CUX1: variants seen among roughly 807,000 people sequenced by gnomAD.
CUX1 encodes cut like homeobox 1.
Under a neutral mutation model 158.8 loss-of-function variants are expected in CUX1, and 31 were observed. The ratio of observed to expected loss-of-function variants is 0.20; its 90% CI spans 0.15 to 0.26. The LOEUF (loss-of-function observed/expected upper bound fraction) is 0.26, where lower values mean the gene tolerates loss of function less well. Ranked by LOEUF, CUX1 falls within the 10% of genes least tolerant of loss-of-function variation. CUX1 has a pLI of 1.00. For synonymous variants in CUX1, 879 were observed against 862.1 expected, an observed-to-expected ratio of 1.02 and a Z score of -0.34; for missense variants, 1,589 against 2,014.6, an observed-to-expected ratio of 0.79 and a Z score of 4.04.
intron 3 of CUX1, among the ~76,000 whole-genome samples, chr7:102,056,875 A>G (rs1383597364): frequency 1.4e-5 from 2 of 142,964 alleles, no homozygotes; most frequent in East Asian, 4.3e-4. Context: ...GGCTGATAAA[A>G]AGATTTTTTG....
At chr7:101,906,776 C>T (rs919242018) in intron 1 of CUX1, among the ~76,000 whole-genome samples, 1 of 152,116 alleles carries the variant, frequency 6.6e-6, no homozygotes, top group African/African-American at 2.4e-5. Context: ...TCATTGCGAG[C>T]CTAGGCCTGT....
intron 9 of CUX1, among the ~76,000 whole-genome samples, chr7:102,168,922 TC>T (rs1402863974): frequency 0.31 from 30,372 of 99,404 alleles, 5,171 homozygotes; most frequent in African/African-American, 0.46. Flanking sequence ...TATTTTCTTT[TC>T]TTTTCTTTTA....
intron 2 of CUX1, among the ~76,000 whole-genome samples, chr7:101,952,151 G>A (rs143330594): frequency 6.6e-6 from 1 of 152,246 alleles, no homozygotes; most frequent in African/African-American, 2.4e-5. Context: ...ACTTTGAGAG[G>A]CCAAGGTGGA....
chr7:101,992,523 C>T (rs1040686458), intron 2 of CUX1, among the ~76,000 whole-genome samples: 4 of 152,164 alleles, frequency 2.6e-5, no homozygotes, highest in East Asian at 1.9e-4. Context: ...CCACACCCTA[C>T]GTGCCCCATG....
chr7:101,836,764 G>C (rs573912560), intron 1 of CUX1, among the ~76,000 whole-genome samples: 1 of 151,714 alleles, frequency 6.6e-6, no homozygotes, highest in African/African-American at 2.4e-5. Context: ...TTTGGCTGGA[G>C]AAACCGGGAG....
At chr7:102,010,742 G>A (rs1218273131) in intron 2 of CUX1, among the ~76,000 whole-genome samples, 1 of 152,228 alleles carries the variant, frequency 6.6e-6, no homozygotes, top group Non-Finnish European at 1.5e-5. Flanking sequence ...CTGCCGGCGG[G>A]CGTGAGGACC....
chr7:102,165,336 C>T (rs897293581), intron 9 of CUX1, among the ~76,000 whole-genome samples: 4 of 142,962 alleles, frequency 2.8e-5, no homozygotes, highest in East Asian at 2.2e-4. Context: ...TCGGGCACTG[C>T]GGTTAGGGGA....
intron 2 of CUX1, among the ~76,000 whole-genome samples, chr7:101,930,337 A>T: frequency 6.6e-6 from 1 of 152,218 alleles, no homozygotes; most frequent in Middle Eastern, 3.2e-3. Flanking sequence ...GGCCTGTGAA[A>T]GCCTTCTTAA....
At chr7:102,247,222 AAAAG>A (rs201915933) in intron 23 of CUX1, among the ~76,000 whole-genome samples, 11,803 of 151,692 alleles carry the variant, frequency 0.078, 672 homozygotes, top group African/African-American at 0.16. Context: ...GAAAAAAAAA[AAAAG>A]AAAGAAAAAA....
At chr7:101,956,838 A>G (rs1809838003) in intron 2 of CUX1, among the ~76,000 whole-genome samples, 1 of 152,186 alleles carries the variant, frequency 6.6e-6, no homozygotes, top group Admixed American at 6.6e-5. Flanking sequence ...AGTCCCAGCT[A>G]TCTGGGAGGC....
intron 1 of CUX1, among the ~76,000 whole-genome samples, chr7:101,851,130 C>G (rs190987275): frequency 1.8e-4 from 28 of 152,168 alleles, no homozygotes; most frequent in Admixed American, 1.8e-3. Context: ...CAAATAAATA[C>G]ATTTTTAAAA....
At chr7:102,155,990 T>C (rs1554505127) in intron 8 of CUX1, among the ~76,000 whole-genome samples, 1 of 152,212 alleles carries the variant, frequency 6.6e-6, no homozygotes, top group Admixed American at 6.5e-5. Context: ...TTTTTCAGAC[T>C]TTTTCTCAGA....
chr7:101,825,747 T>C (rs1480118784), intron 1 of CUX1, among the ~76,000 whole-genome samples: 1 of 136,194 alleles, frequency 7.3e-6, no homozygotes, highest in East Asian at 2.4e-4. Flanking sequence ...GATACCTTAA[T>C]GAAATCTGTG....
intron 8 of CUX1, among the ~76,000 whole-genome samples, chr7:102,133,050 A>T: frequency 6.6e-6 from 1 of 152,060 alleles, no homozygotes; most frequent in South Asian, 2.1e-4. Flanking sequence ...CCCTGGACAA[A>T]ACCACCCTCC....
At chr7:101,833,426 A>G (rs1470796311) in intron 1 of CUX1, among the ~76,000 whole-genome samples, 2 of 151,702 alleles carry the variant, frequency 1.3e-5, no homozygotes, top group Admixed American at 6.6e-5. Flanking sequence ...GTGATGGTGC[A>G]CACCTGTGAT....
At position 102,123,672 on chromosome 7, in the gene CUX1, A is replaced by G. The variant is rs1022229905; in HGVS notation, c.674+8399A>G. On this transcript the variant is annotated intron_variant, in intron 8 of 23. Coordinates refer to ENST00000292535, the MANE Select transcript of CUX1 (RefSeq NM_181552.4). The stretch of plus-strand genomic sequence containing the variant: ...CCAGTCCTACTGCTTTTTTTTATTT[A>G]TTGATTTTGAGACAGGGTCTCACTC... Among the ~76,000 whole-genome samples, 3 of 148,100 alleles carry G rather than the reference A, an allele frequency of 2.0e-5. 1 individual carries two copies. Among genetic ancestry groups the G allele is most frequent in the African/African-American group, 7.4e-5 (3 of 40,384 alleles).
At chr7:102,137,590 G>C (rs11982785) in intron 8 of CUX1, among the ~76,000 whole-genome samples, 16,508 of 152,122 alleles carry the variant, frequency 0.11, 1,404 homozygotes, top group African/African-American at 0.23. Context: ...GAGCTGAGAT[G>C]GCACCGCTGC....
chr7:102,048,820 C>T (rs1823146998), intron 3 of CUX1, among the ~76,000 whole-genome samples: 2 of 152,138 alleles, frequency 1.3e-5, no homozygotes, highest in Non-Finnish European at 2.9e-5. Context: ...CAGAGCGAGA[C>T]TCCATCTCAA....
Position 101,900,538 on chromosome 7 carries a change from G to A in CUX1, c.31-15577G>A, listed in dbSNP as rs369932203. The stretch of plus-strand genomic sequence containing the variant: ...GATGGTATTTCTTGGCCTGGCATAA[G>A]CTCTCCGGATGAACTTGCTCTGCCT... On this transcript the variant is annotated intron_variant, in intron 1 of 23. Transcript: ENST00000292535. Among the ~76,000 whole-genome samples the A allele has an allele frequency of 4.6e-5, 7 of 152,294 alleles. No individual in the cohort carries two copies. In the East Asian group the frequency reaches 1.3e-3, roughly 29 times the overall value.
Sources: gnomAD v4.1 joint callset for allele counts (sites outside exome capture counted in the v4.1 genomes callset) on GRCh38, gnomAD v4.1.1 for gene constraint, MANE v1.5 for transcripts, NCBI Gene and HGNC (gene_info 2026-07-23, HGNC 2026-07-21) for gene names.